The following LINS1 variants were observed in gnomAD, a reference collection of about 807,000 sequenced individuals.
LINS1 encodes protein Lines homolog 1.
LINS1 carries 27 observed loss-of-function variants against 41.6 expected under a neutral mutation model. That is an observed-to-expected ratio of 0.65 (90% CI 0.48 to 0.89). The LOEUF is 0.89. Ranked by LOEUF, LINS1 falls within the 40% of genes least tolerant of loss-of-function variation. The pLI is 0.00. For synonymous variants in LINS1, 336 were observed against 312.9 expected (o/e 1.07, Z -0.78); for missense variants, 955 against 884.1 (o/e 1.08, Z -1.02).
At position 100,584,273 on chromosome 15, in the gene LINS1, T is replaced by C. The variant is rs564095943; in HGVS notation, c.-103-3328A>G. On this transcript the variant is annotated intron_variant, in intron 1 of 6. Transcript: ENST00000314742. Reference sequence around the variant, plus strand: ...TACTTTTATTTAAATGCTATAGCAATAAAAATACTTCCAATAATATTCCTA... The same window carrying C: ...TACTTTTATTTAAATGCTATAGCAACAAAAATACTTCCAATAATATTCCTA... 2.7e-4 allele frequency among the ~76,000 whole-genome samples: 39 copies of C among 147,064 alleles called. 1 individual carries two copies. Among genetic ancestry groups the C allele is most frequent in the South Asian group, 1.6e-3 (7 of 4,514 alleles).
At chr15:100,570,141 T>C (rs758559557) in intron 6 of LINS1, 24 bp from the exon 7 acceptor site, 29 of 1,555,320 alleles carry the variant, frequency 1.9e-5, no homozygotes, top group Middle Eastern at 3.6e-4. Flanking sequence ...TAATGGAGAA[T>C]GCAGATTAAT....
At chr15:100,572,316 A>G (rs1253305240) in intron 5 of LINS1, 1 of 1,276,916 alleles carries the variant, frequency 7.8e-7, no homozygotes, top group African/African-American at 1.5e-5. Context: ...ATTTGCAACA[A>G]CTGCCTAACA....
intron 1 of LINS1, among the ~76,000 whole-genome samples, chr15:100,581,657 G>C (rs1360444916): frequency 6.6e-6 from 1 of 152,202 alleles, no homozygotes; most frequent in Non-Finnish European, 1.5e-5. Context: ...CATGACAATG[G>C]AATGCTGGAG....
intron 1 of LINS1, among the ~76,000 whole-genome samples, chr15:100,591,793 A>T (rs2039050299): frequency 6.6e-6 from 1 of 152,106 alleles, no homozygotes; most frequent in African/African-American, 2.4e-5. Context: ...CCTCCACTAG[A>T]CAGAGAGGGG....
rs1478050792 is a variant in LINS1, at chr15:100,580,821, A to C, written c.22T>G (p.Leu8Val). 1 of 1,612,742 alleles carries C rather than the reference A, an allele frequency of 6.2e-7. No individual in the cohort carries two copies. ...AGTACCTTCTTGTATAACTCTTCTA[A>C]AACTTCACAGAAAACTTTCATTTTG... MKVFCEV[L>V]EELYKKVLLG... The change falls in exon 2 of 7, where the codon TTA (leucine) becomes GTA (valine). Residue 8 changes from leucine to valine, a missense_variant. Coordinates refer to ENST00000314742, the MANE Select transcript of LINS1 (RefSeq NM_001040616.3).
At chr15:100,586,099 A>C (rs1309645715) in intron 1 of LINS1, 2 of 152,260 alleles carry the variant, frequency 1.3e-5, no homozygotes, top group Non-Finnish European at 2.9e-5. Flanking sequence ...TGCTTAGGGC[A>C]AATCTGTGTC....
At chr15:100,591,372 C>G (rs1370551411) in intron 1 of LINS1, among the ~76,000 whole-genome samples, 1 of 152,024 alleles carries the variant, frequency 6.6e-6, no homozygotes, top group Non-Finnish European at 1.5e-5. Flanking sequence ...ACCAGAAACC[C>G]AAAATGAAGG....
intron 1 of LINS1, chr15:100,586,121 A>G (rs1183496412): frequency 1.3e-5 from 2 of 152,246 alleles, no homozygotes; most frequent in Admixed American, 1.3e-4. Context: ...CATTTTATTC[A>G]AAGTCATCCT....
rs1254347321 is a variant in LINS1, at chr15:100,569,832, G to A, written c.1680C>T (p.Val560=). The stretch of plus-strand genomic sequence containing the variant: ...AGCTTTGGTCTTGGACAAGTGAGGG[G>A]ACACAGCCACAAATACTTATGTCAT... The part of the protein sequence containing the change: ...SKYDISICGC[V]PSLVQDQSSN... Residue 560 remains valine (V), a synonymous_variant, in exon 7 of 7, where the codon GTC becomes GTT. Transcript: ENST00000314742. 3.1e-6 allele frequency: 5 copies of A among 1,614,004 alleles called. No homozygotes were observed. Among genetic ancestry groups the A allele is most frequent in the African/African-American group, 1.3e-5 (1 of 74,904 alleles).
At position 100,580,879 on chromosome 15, in the gene LINS1, A is replaced by C. The variant is rs201883638; in HGVS notation, c.-37T>G. On this transcript the variant is annotated 5_prime_UTR_variant, in exon 2 of 7. Transcript: ENST00000314742. ...AAATGTATCTTATAAGAAGGTCGAC[A>C]ACTCCAAGTTGTAAACATTAAATCT... The C allele has an allele frequency of 3.8e-4, 602 of 1,580,128 alleles. 1 individual carries two copies. In the African/African-American group the frequency reaches 7.2e-3, roughly 19 times the overall value.
chr15:100,570,997 T>C (rs1037543810), intron 6 of LINS1, among the ~76,000 whole-genome samples: 9 of 152,216 alleles, frequency 5.9e-5, no homozygotes, highest in Non-Finnish European at 1.3e-4. Context: ...TTGAGTACAA[T>C]TAAGATACAC....
intron 1 of LINS1, among the ~76,000 whole-genome samples, chr15:100,590,594 A>T (rs772119066): frequency 6.6e-5 from 10 of 152,262 alleles, no homozygotes; most frequent in Non-Finnish European, 1.5e-4. Flanking sequence ...TCTTCTCTAA[A>T]GGCTACAGTT....
intron 5 of LINS1, 168 bp downstream of exon 5, chr15:100,573,483 G>T (rs2037960145): frequency 3.7e-6 from 3 of 816,164 alleles, no homozygotes; most frequent in Non-Finnish European, 3.6e-6. Flanking sequence ...TTTCTTAAAG[G>T]TAAATCCAGT....
chr15:100,574,912 G>C lies in LINS1; in HGVS notation c.631+75C>G, dbSNP rs1596894933. ...AGACAGATCAGATGTTCCAAATTAA[G>C]TTTTGTTTCTCATTATAAATGCAAC... On this transcript the variant is annotated intron_variant, in intron 4 of 6. Coordinates refer to ENST00000314742, the MANE Select transcript of LINS1 (RefSeq NM_001040616.3). 2.7e-6 allele frequency: 4 copies of C among 1,456,232 alleles called. No homozygotes were observed. The East Asian group carries it at 9.1e-5, about 33-fold the overall frequency. 90.2% of individuals were successfully genotyped at this position (1,456,232 alleles called of 1,614,324 possible). A position where few individuals can be genotyped will look rare whatever the true frequency, so the allele number is the denominator to read the frequency against.
intron 1 of LINS1, among the ~76,000 whole-genome samples, chr15:100,584,448 A>G (rs948060584): frequency 6.6e-6 from 1 of 152,166 alleles, no homozygotes; most frequent in African/African-American, 2.4e-5. Flanking sequence ...TCCAGGGAGT[A>G]GATGGGCTGT....
At chr15:100,586,011 A>T (rs945239055) in intron 1 of LINS1, among the ~76,000 whole-genome samples, 3 of 152,218 alleles carry the variant, frequency 2.0e-5, no homozygotes, top group Non-Finnish European at 2.9e-5. Flanking sequence ...TTTTTTGACA[A>T]ATCAGAGAAA....
At chr15:100,585,165 A>G (rs1426697105) in intron 1 of LINS1, among the ~76,000 whole-genome samples, 1 of 152,226 alleles carries the variant, frequency 6.6e-6, no homozygotes, top group Non-Finnish European at 1.5e-5. Flanking sequence ...AAACAGCACC[A>G]GTGACCACCT....
chr15:100,571,225 T>C (rs1333932014), intron 6 of LINS1, among the ~76,000 whole-genome samples: 1 of 152,060 alleles, frequency 6.6e-6, no homozygotes, highest in African/African-American at 2.4e-5. Context: ...GAAATCCCTT[T>C]CTCCCAGGCC....
At position 100,580,430 on chromosome 15, in the gene LINS1, A is replaced by G; in HGVS notation, c.399+14T>C. On this transcript the variant is annotated intron_variant, in intron 2 of 6. Transcript: ENST00000314742. ...TTTTAAATATCTACATCTTTAGAAA[A>G]ACAAATGGCTTACTAATTTAGAATC... 1 of 1,612,312 alleles carries G rather than the reference A, an allele frequency of 6.2e-7. No individual in the cohort carries two copies. Among genetic ancestry groups the G allele is most frequent in the Non-Finnish European group, 8.5e-7 (1 of 1,178,478 alleles).
Sources: allele counts gnomAD v4.1 joint callset (sites outside exome capture counted in the v4.1 genomes callset), GRCh38; gene constraint gnomAD v4.1.1; transcripts MANE v1.5; gene names NCBI Gene and HGNC (gene_info 2026-07-23, HGNC 2026-07-21).